Variants in UNC5C observed in about 807,000 individuals in gnomAD.
The protein encoded by UNC5C is netrin receptor UNC5C.
Under a neutral mutation model 99.8 loss-of-function variants are expected in UNC5C, and 47 were observed. The observed-to-expected ratio is 0.47, with a 90% CI of 0.37 to 0.60. The LOEUF (loss-of-function observed/expected upper bound fraction) is 0.60, where lower values mean the gene tolerates loss of function less well. Among genes scored for constraint, UNC5C ranks in the 20% least tolerant of loss-of-function variants. The pLI, the probability that UNC5C is intolerant of heterozygous loss-of-function variation, is 0.00. For missense variants in UNC5C, 1,062 were observed against 1,165.9 expected, an observed-to-expected ratio of 0.91 and a Z score of 1.30; for synonymous variants, 487 against 452.2, an observed-to-expected ratio of 1.08 and a Z score of -0.98.
intron 1 of UNC5C, among the ~76,000 whole-genome samples, chr4:95,462,323 C>T (rs1459181985): frequency 6.6e-6 from 1 of 152,100 alleles, no homozygotes. Context: ...GCACAATGTA[C>T]ATTAGGAATT....
rs757323839 is a variant in UNC5C at position 95,170,335 on chromosome 4, G to A, written c.2452-3C>T. On this transcript the variant is annotated splice_region_variant and splice_polypyrimidine_tract_variant and intron_variant, in intron 14 of 15. Transcript: ENST00000453304. ...GGCAAATCGATGCCAGTAGGTTCCTGTAGTTCAGGGACAGGAACAACACAG... is the reference window on the plus strand; with the variant it reads ...GGCAAATCGATGCCAGTAGGTTCCTATAGTTCAGGGACAGGAACAACACAG... 6.2e-7 allele frequency: 1 copy of A among 1,613,678 alleles called. No individual in the cohort carries two copies.
At chr4:95,398,432 C>CTCAT (rs112476627) in intron 1 of UNC5C, among the ~76,000 whole-genome samples, 13,673 of 151,346 alleles carry the variant, frequency 0.09, 858 homozygotes, top group East Asian at 0.23. Flanking sequence ...ACTTCATTCA[C>CTCAT]TCATTCATTC....
chr4:95,176,471 C>G (rs1440255619), intron 14 of UNC5C, among the ~76,000 whole-genome samples: 6 of 152,136 alleles, frequency 3.9e-5, no homozygotes, highest in Admixed American at 1.3e-4. Context: ...AGACAGGACC[C>G]TCAGCTGCAG....
chr4:95,534,083 A>G (rs1722716415), intron 1 of UNC5C, among the ~76,000 whole-genome samples: 1 of 152,224 alleles, frequency 6.6e-6, no homozygotes, highest in African/African-American at 2.4e-5. Context: ...TTAAACGTGG[A>G]ACGTTCCCTA....
chr4:95,411,056 G>T (rs1048566563), intron 1 of UNC5C, among the ~76,000 whole-genome samples: 1 of 152,142 alleles, frequency 6.6e-6, no homozygotes, highest in Admixed American at 6.5e-5. Context: ...GAGTTCAGCA[G>T]GGGAAGCTGA....
intron 1 of UNC5C, among the ~76,000 whole-genome samples, chr4:95,460,082 C>G (rs1747554967): frequency 6.6e-6 from 1 of 151,858 alleles, no homozygotes; most frequent in African/African-American, 2.4e-5. Context: ...TAGAAGAAAA[C>G]AGCACTTTTA....
chr4:95,290,342 T>A (rs1317341300), intron 3 of UNC5C, among the ~76,000 whole-genome samples: 1 of 79,384 alleles, frequency 1.3e-5, no homozygotes, highest in East Asian at 5.7e-4. Flanking sequence ...AGTTTGGTGG[T>A]GTTTTTTTTT....
chr4:95,354,673 G>T (rs529129399), intron 1 of UNC5C, among the ~76,000 whole-genome samples: 18 of 151,586 alleles, frequency 1.2e-4, no homozygotes, highest in African/African-American at 4.4e-4. Flanking sequence ...TGTAGAGATG[G>T]GGTCATGCTA....
chr4:95,404,999 T>C (rs1745796538), intron 1 of UNC5C, among the ~76,000 whole-genome samples: 1 of 152,158 alleles, frequency 6.6e-6, no homozygotes, highest in Non-Finnish European at 1.5e-5. Context: ...CCCTTCCAGC[T>C]TCCCATCCAT....
rs566933837 is a variant in UNC5C, at chr4:95,464,997, G to A, written c.124+83737C>T. ...ATAATGAAAAAGATATTCTTGTGGA[G>A]CTTTTCACAGAGAGATGATCCAGGC... On this transcript the variant is annotated intron_variant, in intron 1 of 15. Transcript: ENST00000453304. 3.7e-4 allele frequency among the ~76,000 whole-genome samples: 56 copies of A among 152,250 alleles called. 1 individual carries two copies. Among genetic ancestry groups the A allele is most frequent in the Admixed American group, 9.8e-4 (15 of 15,292 alleles).
At chr4:95,340,915 C>T (rs1366470394) in intron 1 of UNC5C, among the ~76,000 whole-genome samples, 1 of 152,018 alleles carries the variant, frequency 6.6e-6, no homozygotes, top group Non-Finnish European at 1.5e-5. Flanking sequence ...ACACATTTAC[C>T]CCCTTTTGCA....
rs770073542 is a variant in UNC5C at position 95,301,751 on chromosome 4, T to A, written c.347-2A>T. On this transcript the variant is annotated splice_acceptor_variant, in intron 2 of 15. Transcript: ENST00000453304. LOFTEE classifies it high-confidence loss of function. ...TGCTCACTTCCCGGACAATGAGACC[T>A]GACAAGAGAAAAAGAAAGATTTAAG... 6.2e-7 allele frequency: 1 copy of A among 1,612,168 alleles called. No individual in the cohort carries two copies. The highest frequency in any genetic ancestry group is 8.5e-7 in the Non-Finnish European group (1 of 1,179,830).
At chr4:95,258,743 A>ATTTT (rs1740102405) in intron 4 of UNC5C, among the ~76,000 whole-genome samples, 1 of 85,868 alleles carries the variant, frequency 1.2e-5, no homozygotes, top group Non-Finnish European at 2.5e-5. Context: ...CGACCATCTT[A>ATTTT]TTCTTTTTTT....
At chr4:95,261,378 G>A (rs1443574159) in intron 4 of UNC5C, among the ~76,000 whole-genome samples, 1 of 152,178 alleles carries the variant, frequency 6.6e-6, no homozygotes, top group East Asian at 1.9e-4. Context: ...CATCAGGAAA[G>A]CCTCCTTACC....
At chr4:95,177,605 G>A (rs961912372) in intron 14 of UNC5C, among the ~76,000 whole-genome samples, 2 of 152,132 alleles carry the variant, frequency 1.3e-5, no homozygotes, top group African/African-American at 4.8e-5. Context: ...GGGTGTGGAG[G>A]GCATTTGAAA....
chr4:95,403,507 TTC>T (rs1745754994), intron 1 of UNC5C, among the ~76,000 whole-genome samples: 1 of 152,210 alleles, frequency 6.6e-6, no homozygotes, highest in Non-Finnish European at 1.5e-5. Context: ...TGCTAATACT[TTC>T]ACTTTATTTC....
chr4:95,439,319 A>T (rs1746881077), intron 1 of UNC5C, among the ~76,000 whole-genome samples: 2 of 152,104 alleles, frequency 1.3e-5, no homozygotes, highest in Non-Finnish European at 2.9e-5. Context: ...AGGCTGTTTG[A>T]ACCATAAACT....
chr4:95,356,074 C>T (rs1744175190), intron 1 of UNC5C, among the ~76,000 whole-genome samples: 1 of 151,414 alleles, frequency 6.6e-6, no homozygotes, highest in Admixed American at 6.6e-5. Flanking sequence ...CCTGTAGTTA[C>T]AGCTACTCAG....
chr4:95,260,861 G>T (rs1400212812), intron 4 of UNC5C, among the ~76,000 whole-genome samples: 2 of 152,202 alleles, frequency 1.3e-5, no homozygotes, highest in Admixed American at 1.3e-4. Context: ...CAAGAAGCTT[G>T]TATGGTGCAT....
Sources: gnomAD v4.1 joint callset for allele counts (sites outside exome capture counted in the v4.1 genomes callset) on GRCh38, gnomAD v4.1.1 for gene constraint, MANE v1.5 for transcripts, NCBI Gene and HGNC (gene_info 2026-07-23, HGNC 2026-07-21) for gene names.